Variants in ZNF234 observed in about 807,000 individuals in gnomAD.
ZNF234 encodes zinc finger protein 234, also known as C2-H2 type zinc finger protein.
In ZNF234, 4 loss-of-function variants were observed where a neutral mutation model predicts 10.3. The ratio of observed to expected loss-of-function variants is 0.39; its 90% CI spans 0.19 to 0.89. ZNF234 has a LOEUF of 0.89. Ranked by LOEUF, ZNF234 falls within the 40% of genes least tolerant of loss-of-function variation. The pLI is 0.38. For synonymous variants in ZNF234, 258 were observed against 280.1 expected (o/e 0.92, Z 0.79); for missense variants, 711 against 836.1 (o/e 0.85, Z 1.85).
rs1289891425 is a variant in ZNF234 at position 44,148,897 on chromosome 19, G to A, written c.142G>A (p.Gly48Arg). The A allele has an allele frequency of 2.5e-6, 4 of 1,612,820 alleles. No homozygotes were observed. The highest frequency in any genetic ancestry group is 3.4e-6 in the Non-Finnish European group (4 of 1,179,308). ...LENFRNLLSV[G>R]HHPFKHDVFL... ...GAACTTCAGGAACCTGCTGTCAGTG[G>A]GTGAGGACATGAGCTTTCTAACACT... The change falls in exon 4 of 6, where the codon GGG becomes AGG. Residue 48 changes from glycine to arginine, a missense_variant and splice_region_variant. Physicochemically the swap from Gly to Arg is moderately radical, Grantham distance 125. Transcript: ENST00000426739.
intron 3 of ZNF234, among the ~76,000 whole-genome samples, chr19:44,146,879 G>A (rs1333966297): frequency 2.2e-5 from 3 of 136,376 alleles, no homozygotes; most frequent in African/African-American, 5.4e-5. Flanking sequence ...GCAGTGGTAC[G>A]ATCACGGCTC....
intron 5 of ZNF234, 79 bp downstream of exon 5, chr19:44,150,584 G>A (rs991641908): frequency 4.3e-5 from 55 of 1,267,392 alleles, no homozygotes; most frequent in Admixed American, 1.7e-4. Flanking sequence ...TGCTGCCATC[G>A]GGTCCAAATT....
Position 44,144,677 on chromosome 19 carries a change from A to G in ZNF234, c.15+30A>G, listed in dbSNP as rs561411809. On this transcript the variant is annotated intron_variant, in intron 3 of 5. Coordinates refer to ENST00000426739, the MANE Select transcript of ZNF234 (RefSeq NM_006630.3). ...ATAAGGCTTGCCACTCTTGCTGTTAAAATTCCATCTCACTATTCTCATGTT... is the reference window on the plus strand; with the variant it reads ...ATAAGGCTTGCCACTCTTGCTGTTAGAATTCCATCTCACTATTCTCATGTT... 9 of 1,531,128 alleles carry G rather than the reference A, an allele frequency of 5.9e-6. No homozygotes were observed. In the Admixed American group the frequency reaches 9.5e-5, roughly 16 times the overall value. 94.8% of individuals were successfully genotyped at this position (1,531,128 alleles called of 1,614,324 possible).
At chr19:44,146,232 G>A (rs941258364) in intron 3 of ZNF234, among the ~76,000 whole-genome samples, 6 of 152,182 alleles carry the variant, frequency 3.9e-5, no homozygotes, top group African/African-American at 1.2e-4. Context: ...AAGATGCTCA[G>A]CACTCCAGGT....
chr19:44,150,231 A>G (rs1362376900), intron 4 of ZNF234, among the ~76,000 whole-genome samples, 182 bp from the exon 5 acceptor site: 2 of 152,154 alleles, frequency 1.3e-5, no homozygotes, highest in South Asian at 2.1e-4. Context: ...TTTATAGCAC[A>G]TATTTATGTC....
chr19:44,153,357 T>C (rs955650068), intron 5 of ZNF234, among the ~76,000 whole-genome samples: 4 of 151,930 alleles, frequency 2.6e-5, no homozygotes, highest in Non-Finnish European at 5.9e-5. Context: ...GCATTTTTCA[T>C]TGAAATTAGA....
chr19:44,158,176 T>C lies in ZNF234; in HGVS notation c.*57T>C, dbSNP rs778021234. 1.9e-6 allele frequency: 3 copies of C among 1,570,838 alleles called. No homozygotes were observed. The highest frequency in any genetic ancestry group is 1.1e-5 in the South Asian group (1 of 88,798). On this transcript the variant is annotated 3_prime_UTR_variant, in exon 6 of 6. Transcript: ENST00000426739. ...CCTGAATGCTTGTAATTAGATTTCA[T>C]AGGAGGGAAAAATTTTCTTTATCAA...
chr19:44,157,080 A>G lies in ZNF234; in HGVS notation c.1064A>G (p.Gln355Arg). The change falls in exon 6 of 6, where the codon CAG becomes CGG. Residue 355 changes from glutamine to arginine, a missense_variant. Coordinates refer to ENST00000426739, the MANE Select transcript of ZNF234 (RefSeq NM_006630.3). ...GAAGAATGTGGTAAGTGCTTTATTC[A>G]GCCTTCACAATTTCAGGCCCATCGG... ...KCEECGKCFIQPSQFQAHRRI... is the reference protein window; with the variant it reads ...KCEECGKCFIRPSQFQAHRRI... 2 of 1,614,174 alleles carry G rather than the reference A, an allele frequency of 1.2e-6. No homozygotes were observed. The highest frequency in any genetic ancestry group is 1.3e-5 in the African/African-American group (1 of 75,038).
At chr19:44,143,045 C>A (rs1217157499) in intron 2 of ZNF234, among the ~76,000 whole-genome samples, 2 of 152,170 alleles carry the variant, frequency 1.3e-5, no homozygotes, top group African/African-American at 4.8e-5. Context: ...TTCTATCATG[C>A]TCATTCTTAT....
chr19:44,147,031 G>C (rs1429255654), intron 3 of ZNF234, among the ~76,000 whole-genome samples: 1 of 151,718 alleles, frequency 6.6e-6, no homozygotes, highest in Non-Finnish European at 1.5e-5. Context: ...GGCCAGGCTG[G>C]TCTTGAACTC....
intron 2 of ZNF234, among the ~76,000 whole-genome samples, chr19:44,143,076 C>T (rs1444250462): frequency 6.6e-6 from 1 of 152,124 alleles, no homozygotes; most frequent in Non-Finnish European, 1.5e-5. Flanking sequence ...ATTATTTCTC[C>T]TATGACTATT....
chr19:44,146,812 T>C (rs1378026487), intron 3 of ZNF234, among the ~76,000 whole-genome samples: 2,615 of 45,232 alleles, frequency 0.058, 42 homozygotes, highest in African/African-American at 0.27. Context: ...CTCTCTTTTT[T>C]TTTTTTTTTT....
At position 44,156,422 on chromosome 19, in the gene ZNF234, G is replaced by T. The variant is rs770177670; in HGVS notation, c.406G>T (p.Ala136Ser). 6.2e-7 allele frequency: 1 copy of T among 1,613,618 alleles called. No homozygotes were observed. Among genetic ancestry groups the T allele is most frequent in the Admixed American group, 1.7e-5 (1 of 59,976 alleles). ...RQGDLSCQVR[A>S]GLYTTHTGQK... ...AGGTGATTTGTCCTGCCAGGTTAGG[G>T]CAGGACTATATACAACTCACACAGG... The change falls in exon 6 of 6, where the codon GCA becomes TCA. Residue 136 changes from alanine (A) to serine (S), a missense_variant. Coordinates refer to ENST00000426739, the MANE Select transcript of ZNF234 (RefSeq NM_006630.3).
rs184629910 is a variant in ZNF234, at chr19:44,158,443, C to T, written c.*324C>T. On this transcript the variant is annotated 3_prime_UTR_variant, in exon 6 of 6. Transcript: ENST00000426739. The stretch of plus-strand genomic sequence containing the variant: ...ATTTTTAGTAGAGATGGAGTTTCAC[C>T]ATACTGGCCAGGCTGGTCTCAAACT... 35 of 356,794 alleles carry T rather than the reference C, an allele frequency of 9.8e-5. No homozygotes were observed. The highest frequency in any genetic ancestry group is 6.2e-4 in the African/African-American group (29 of 46,660). The allele number at this position is 356,794 out of a possible 1,614,324, so 22.1% of individuals were successfully genotyped here.
rs777524392 is a variant in ZNF234 at position 44,157,864 on chromosome 19, T to C, written c.1848T>C (p.Ser616=). The change falls in exon 6 of 6, where the codon AGT becomes AGC. Residue 616 remains serine, a synonymous_variant. Transcript: ENST00000426739. The stretch of plus-strand genomic sequence containing the variant: ...CCTCAAGTCTCCAACTTCATCAGAG[T>C]GTCCACACAGGAGAGAAACCATACA... ...SQASSLQLHQ[S]VHTGEKPYKC... The C allele has an allele frequency of 6.2e-7, 1 of 1,612,402 alleles. No homozygotes were observed. Among genetic ancestry groups the C allele is most frequent in the South Asian group, 1.1e-5 (1 of 90,974 alleles).
At position 44,157,546 on chromosome 19, in the gene ZNF234, A is replaced by G. The variant is rs779470066; in HGVS notation, c.1530A>G (p.Lys510=). ...KIHCRIHTGE[K]PYNCEECGKV... ...ATTGTAGGATCCACACAGGGGAGAA[A>G]CCATATAATTGTGAGGAGTGTGGGA... Residue 510 remains lysine (K), a synonymous_variant, in exon 6 of 6, where the codon AAA becomes AAG. Transcript: ENST00000426739. 6.2e-7 allele frequency: 1 copy of G among 1,614,152 alleles called. No individual in the cohort carries two copies. The highest frequency in any genetic ancestry group is 1.1e-5 in the South Asian group (1 of 91,088).
In ZNF234 at chr19:44,158,395, C is replaced by T; in HGVS notation, c.*276C>T. On this transcript the variant is annotated 3_prime_UTR_variant, in exon 6 of 6. Transcript: ENST00000426739. ...GCCTCAGTGGATTACAGGTGCACACCACCACGCCTGGCTAATTTTTGTATT... is the reference window on the plus strand; with the variant it reads ...GCCTCAGTGGATTACAGGTGCACACTACCACGCCTGGCTAATTTTTGTATT... 4.9e-6 allele frequency: 2 copies of T among 407,360 alleles called. No individual in the cohort carries two copies. The highest frequency in any genetic ancestry group is 4.3e-5 in the South Asian group (2 of 46,718). 25.2% of individuals were successfully genotyped at this position (407,360 alleles called of 1,614,324 possible).
chr19:44,156,140 A>C (rs1968873651), intron 5 of ZNF234, 112 bp from the exon 6 acceptor site: 2 of 950,516 alleles, frequency 2.1e-6, no homozygotes, highest in East Asian at 4.9e-5. Context: ...AAAGACCATT[A>C]CACAAACTGG....
Position 44,157,079 on chromosome 19 carries a change from C to G in ZNF234, c.1063C>G (p.Gln355Glu), listed in dbSNP as rs371514803. ...KCEECGKCFI[Q>E]PSQFQAHRRI... is the part of the protein sequence containing the mutation. ...TGAAGAATGTGGTAAGTGCTTTATT[C>G]AGCCTTCACAATTTCAGGCCCATCG... The change falls in exon 6 of 6, where the codon CAG (glutamine) becomes GAG (glutamate). Residue 355 changes from glutamine (Q) to glutamate (E), a missense_variant. By Grantham distance (29) the Gln-to-Glu change is conservative (BLOSUM62 2). Coordinates refer to ENST00000426739, the MANE Select transcript of ZNF234 (RefSeq NM_006630.3). The G allele has an allele frequency of 3.1e-6, 5 of 1,614,000 alleles. No individual in the cohort carries two copies. Among genetic ancestry groups the G allele is most frequent in the Non-Finnish European group, 4.2e-6 (5 of 1,180,022 alleles).
Sources: gnomAD v4.1 joint callset for allele counts (sites outside exome capture counted in the v4.1 genomes callset) on GRCh38, gnomAD v4.1.1 for gene constraint, MANE v1.5 for transcripts, NCBI Gene and HGNC (gene_info 2026-07-23, HGNC 2026-07-21) for gene names.